GLIS3: variants seen among roughly 807,000 people sequenced by gnomAD.
GLIS3 encodes the protein GLIS family zinc finger 3, also known as zinc finger protein GLIS3.
GLIS3 carries 53 observed loss-of-function variants against 78.6 expected under a neutral mutation model. That is an observed-to-expected ratio of 0.67 (90% CI 0.54 to 0.85). The LOEUF is 0.85. Ranked by LOEUF, GLIS3 falls within the 40% of genes least tolerant of loss-of-function variation. The pLI, the probability that GLIS3 is intolerant of heterozygous loss-of-function variation, is 0.00. For synonymous variants in GLIS3, 684 were observed against 509.9 expected, an observed-to-expected ratio of 1.34 and a Z score of -4.60; for missense variants, 1,703 against 1,231.1, an observed-to-expected ratio of 1.38 and a Z score of -5.74.
chr9:4,359,810 C>G, the GLIS3 span, among the ~76,000 whole-genome samples: 2 of 152,002 alleles, frequency 1.3e-5, no homozygotes, highest in Non-Finnish European at 2.9e-5. Context: ...TAATATTTAC[C>G]TTGAAAAATA....
chr9:4,378,572 C>A, the GLIS3 span, among the ~76,000 whole-genome samples: 1 of 152,096 alleles, frequency 6.6e-6, no homozygotes, highest in South Asian at 2.1e-4. Flanking sequence ...GGCAACCCTA[C>A]ATCAATCCTA....
chr9:3,899,642 A>G (rs1454832546), intron 6 of GLIS3, among the ~76,000 whole-genome samples: 1 of 152,232 alleles, frequency 6.6e-6, no homozygotes, highest in African/African-American at 2.4e-5. Flanking sequence ...GCAAATGGTA[A>G]TCATCTTTGG....
At chr9:4,121,496 C>G (rs531283152) in intron 3 of GLIS3, among the ~76,000 whole-genome samples, 1 of 152,272 alleles carries the variant, frequency 6.6e-6, no homozygotes, top group Non-Finnish European at 1.5e-5. Context: ...ATTTATGGCA[C>G]TCACAAAGCA....
rs183958488 is a variant in GLIS3 at position 4,252,783 on chromosome 9, C to T, written c.388+33255G>A. ...TGGTCTTTGATGTTGGTGACCTTTG[C>T]GTGGGGTTTTTGTGTGGACGTCCTT... On this transcript the variant is annotated intron_variant, in intron 2 of 10. Transcript: ENST00000381971. Among the ~76,000 whole-genome samples, 71 of 152,224 alleles carry T rather than the reference C, an allele frequency of 4.7e-4. 1 individual carries two copies. The East Asian group carries it at 9.7e-3, about 21-fold the overall frequency.
rs548504864 is a variant in GLIS3, at chr9:4,321,917, C to G, written n.265-11389G>C. Among the ~76,000 whole-genome samples, 3 of 152,174 alleles carry G rather than the reference C, an allele frequency of 2.0e-5. No individual in the cohort carries two copies. In the South Asian group the frequency reaches 6.2e-4, roughly 32 times the overall value. On this transcript the variant is annotated intron_variant and non_coding_transcript_variant, in intron 2 of 4. Transcript: ENST00000471664. ...ATTATGCTTTAATTTCTGGGGTACA[C>G]GTGCATAACCTGCAGGTTTGTTACA...
chr9:4,171,024 A>G (rs998521157), intron 2 of GLIS3, among the ~76,000 whole-genome samples: 1 of 152,208 alleles, frequency 6.6e-6, no homozygotes, highest in African/African-American at 2.4e-5. Flanking sequence ...TACGAGAACA[A>G]TCAAGCTTCT....
At chr9:4,153,441 G>A (rs1364508686) in intron 2 of GLIS3, among the ~76,000 whole-genome samples, 2 of 152,200 alleles carry the variant, frequency 1.3e-5, no homozygotes, top group Non-Finnish European at 1.5e-5. Flanking sequence ...GTGCACTCCT[G>A]TAATACCAGC....
intron 4 of GLIS3, among the ~76,000 whole-genome samples, chr9:4,057,877 C>T (rs1480807177): frequency 6.6e-6 from 1 of 152,042 alleles, no homozygotes; most frequent in Non-Finnish European, 1.5e-5. Context: ...TGTACACGGC[C>T]TCGCTAAGAA....
the GLIS3 span, among the ~76,000 whole-genome samples, chr9:4,357,586 T>TGC: frequency 2.0e-5 from 3 of 151,972 alleles, no homozygotes; most frequent in Admixed American, 6.6e-5. Context: ...TGTGTGTGTG[T>TGC]GTGCATGTGT....
chr9:4,143,997 G>C (rs958340332), intron 2 of GLIS3, among the ~76,000 whole-genome samples: 3 of 152,202 alleles, frequency 2.0e-5, no homozygotes, highest in African/African-American at 7.2e-5. Context: ...AACATAGTGA[G>C]CACCTTAGTA....
At chr9:4,272,448 A>T (rs1826602209) in intron 2 of GLIS3, among the ~76,000 whole-genome samples, 2 of 152,186 alleles carry the variant, frequency 1.3e-5, no homozygotes, top group African/African-American at 4.8e-5. Context: ...TGAAGTCAGC[A>T]TAACATGGGG....
At chr9:3,898,345 C>A in intron 7 of GLIS3, 1 of 337,004 alleles carries the variant, frequency 3.0e-6, no homozygotes, top group South Asian at 2.7e-5. Context: ...ATTAAGAAAT[C>A]CACACGCAGC....
At chr9:4,253,802 G>A (rs143671884) in intron 2 of GLIS3, among the ~76,000 whole-genome samples, 5 of 152,318 alleles carry the variant, frequency 3.3e-5, no homozygotes, top group East Asian at 1.9e-4. Context: ...CAGTATCTGG[G>A]CTGGAATGCA....
rs748013795 is a variant in GLIS3 at position 3,855,990 on chromosome 9, C to T, written c.2473+19G>A. On this transcript the variant is annotated intron_variant, in intron 9 of 10. Transcript: ENST00000381971. ...ATGTCACTTTTCAAAACTCAAGGGA[C>T]TGCCAGCTTCTTGCTTACCATGGAC... is the stretch of plus-strand genomic sequence containing the variant. The T allele has an allele frequency of 1.2e-6, 2 of 1,613,858 alleles. No homozygotes were observed. The highest frequency in any genetic ancestry group is 1.1e-5 in the South Asian group (1 of 91,048).
At chr9:4,428,296 T>A in the GLIS3 span, among the ~76,000 whole-genome samples, 1 of 151,868 alleles carries the variant, frequency 6.6e-6, no homozygotes, top group African/African-American at 2.4e-5. Context: ...CTGGCCAACA[T>A]GGCAAAACTC....
intron 2 of GLIS3, among the ~76,000 whole-genome samples, chr9:4,187,106 T>C (rs76172231): frequency 0.14 from 20,747 of 152,236 alleles, 1,561 homozygotes; most frequent in Middle Eastern, 0.23. Flanking sequence ...CTAGGTTTTC[T>C]TCCAGGGTTT....
At chr9:4,278,196 AACTC>A (rs1388856233) in intron 2 of GLIS3, among the ~76,000 whole-genome samples, 3 of 152,214 alleles carry the variant, frequency 2.0e-5, no homozygotes, top group African/African-American at 7.2e-5. Context: ...TTTTAATTGG[AACTC>A]ACTATCTTTC....
chr9:4,077,898 T>A (rs1050730428), intron 4 of GLIS3, among the ~76,000 whole-genome samples: 12 of 152,234 alleles, frequency 7.9e-5, no homozygotes, highest in Non-Finnish European at 1.8e-4. Flanking sequence ...TTCTAAGTTT[T>A]AATAATTCCA....
intron 2 of GLIS3, among the ~76,000 whole-genome samples, chr9:4,342,306 C>G (rs536032695): frequency 6.6e-6 from 1 of 152,166 alleles, no homozygotes; most frequent in Non-Finnish European, 1.5e-5. Flanking sequence ...ATCTTCTGCA[C>G]GCGGCTAGCC....
Sources: allele counts gnomAD v4.1 joint callset (sites outside exome capture counted in the v4.1 genomes callset), GRCh38; gene constraint gnomAD v4.1.1; transcripts MANE v1.5; gene names NCBI Gene and HGNC (gene_info 2026-07-23, HGNC 2026-07-21).